The following CCDC85C variants were observed in gnomAD, a reference collection of about 807,000 sequenced individuals.
The protein encoded by CCDC85C is coiled-coil domain-containing protein 85C.
CCDC85C carries 18 observed loss-of-function variants against 38.3 expected under a neutral mutation model. That is an observed-to-expected ratio of 0.47 (90% CI 0.33 to 0.70). CCDC85C has a LOEUF of 0.70. Ranked by LOEUF, CCDC85C falls within the 30% of genes least tolerant of loss-of-function variation. The probability of loss-of-function intolerance (pLI) is 0.03; values close to 1 mark genes in which losing one functional copy is unlikely to be tolerated. For missense variants in CCDC85C, 566 were observed against 621.2 expected, an observed-to-expected ratio of 0.91 and a Z score of 0.94; for synonymous variants, 264 against 293.8, an observed-to-expected ratio of 0.90 and a Z score of 1.04.
In CCDC85C at chr14:99,604,088, GCCTGGCGCGTCCTCTCGCC is replaced by G. The variant is rs1309189465; in HGVS notation, c.-148_-130del. On this transcript the variant is annotated 5_prime_UTR_variant, in exon 1 of 6. Transcript: ENST00000380243. ...GGGCGCGTGCGGCCCGCCCCGCGCC[GCCTGGCGCGTCCTCTCGCC>G]GCGCCCGCCGGGGCCGCCCGGGAGC... is the stretch of plus-strand genomic sequence containing the variant. The G allele has an allele frequency of 1.1e-6, 1 of 922,090 alleles. No homozygotes were observed. The highest frequency in any genetic ancestry group is 1.3e-6 in the Non-Finnish European group (1 of 776,628). The allele number at this position is 922,090 out of a possible 1,614,324, so 57.1% of individuals were successfully genotyped here.
In CCDC85C at chr14:99,511,588, G is replaced by A. The variant is rs1489558232; in HGVS notation, c.*3658C>T. 6.6e-6 allele frequency: 1 copy of A among 152,558 alleles called. No individual in the cohort carries two copies. The highest frequency in any genetic ancestry group is 1.5e-5 in the Non-Finnish European group (1 of 68,020). 9.5% of individuals were successfully genotyped at this position (152,558 alleles called of 1,614,324 possible). ...TCTGTGGCTTATAAAATGTGCAGAGGCCCTCCTTCCAGACCCTGGGGACGC... is the reference window on the plus strand; with the variant it reads ...TCTGTGGCTTATAAAATGTGCAGAGACCCTCCTTCCAGACCCTGGGGACGC... On this transcript the variant is annotated 3_prime_UTR_variant, in exon 6 of 6. Coordinates refer to ENST00000380243, the MANE Select transcript of CCDC85C (RefSeq NM_001144995.2).
At chr14:99,564,520 C>T (rs1180812430) in intron 1 of CCDC85C, among the ~76,000 whole-genome samples, 2 of 152,248 alleles carry the variant, frequency 1.3e-5, no homozygotes, top group African/African-American at 2.4e-5. Flanking sequence ...GTTTATCTGT[C>T]CTGGGCGCCA....
In CCDC85C at chr14:99,508,993, C is replaced by T. The variant is rs1453140239; in HGVS notation, c.*6253G>A. ...TTATCTAAGGCCAGGCACATATGAC[C>T]TTCCTACCCGGTAGGCTGGCGGGGT... On this transcript the variant is annotated 3_prime_UTR_variant, in exon 6 of 6. Transcript: ENST00000380243. 1 of 152,252 alleles carries T rather than the reference C, an allele frequency of 6.6e-6. No homozygotes were observed. Among genetic ancestry groups the T allele is most frequent in the East Asian group, 1.9e-4 (1 of 5,184 alleles). 9.4% of individuals were successfully genotyped at this position (152,252 alleles called of 1,614,324 possible). A position where few individuals can be genotyped will look rare whatever the true frequency, so the allele number is the denominator to read the frequency against.
At position 99,509,662 on chromosome 14, in the gene CCDC85C, TG is replaced by T. The variant is rs1897071016; in HGVS notation, c.*5583del. ...AATAGAACCTGAATTGCTGCTTCGA[TG>T]GGTACACCGGGAATGTCAGAGACTT... On this transcript the variant is annotated 3_prime_UTR_variant, in exon 6 of 6. Coordinates refer to ENST00000380243, the MANE Select transcript of CCDC85C (RefSeq NM_001144995.2). 1.2e-5 allele frequency: 2 copies of T among 168,428 alleles called. No individual in the cohort carries two copies. The highest frequency in any genetic ancestry group is 2.6e-5 in the Non-Finnish European group (2 of 77,668). 10.4% of individuals were successfully genotyped at this position (168,428 alleles called of 1,614,324 possible). A position where few individuals can be genotyped will look rare whatever the true frequency, so the allele number is the denominator to read the frequency against.
chr14:99,549,022 T>A (rs940093573), intron 1 of CCDC85C, among the ~76,000 whole-genome samples: 9 of 152,062 alleles, frequency 5.9e-5, no homozygotes, highest in Non-Finnish European at 1.0e-4. Context: ...GGGCCTCAGC[T>A]CTCCCTGGGA....
Position 99,503,829 on chromosome 14 carries a change from C to T in CCDC85C, c.*11417G>A, listed in dbSNP as rs1896903845. 1 of 593,314 alleles carries T rather than the reference C, an allele frequency of 1.7e-6. No individual in the cohort carries two copies. The highest frequency in any genetic ancestry group is 3.0e-6 in the Non-Finnish European group (1 of 334,424). The allele number at this position is 593,314 out of a possible 1,614,324, so 36.8% of individuals were successfully genotyped here. On this transcript the variant is annotated 3_prime_UTR_variant, in exon 6 of 6. Transcript: ENST00000380243. ...CCTGATCATAGATTCTAAAATTGTG[C>T]TCTTACGAAGCTATCAGTACAGAAA...
intron 2 of CCDC85C, among the ~76,000 whole-genome samples, chr14:99,525,195 G>A (rs1897360568): frequency 6.6e-6 from 1 of 152,178 alleles, no homozygotes; most frequent in African/African-American, 2.4e-5. Context: ...CCAACTCAGG[G>A]CCCAGCGAGG....
intron 1 of CCDC85C, among the ~76,000 whole-genome samples, chr14:99,598,781 A>G (rs1215367031): frequency 6.6e-6 from 1 of 152,140 alleles, no homozygotes; most frequent in Non-Finnish European, 1.5e-5. Flanking sequence ...TGATTTCCCC[A>G]TCTAAGATAT....
rs1237430873 is a variant in CCDC85C at position 99,515,226 on chromosome 14, A to G, written c.*20T>C. 1 of 1,540,804 alleles carries G rather than the reference A, an allele frequency of 6.5e-7. No homozygotes were observed. The highest frequency in any genetic ancestry group is 2.0e-5 in the Admixed American group (1 of 50,842). ...TGGGGACCCCCAGCAGGGCCAGTCC[A>G]CGTCCACAGAAGAGTGGCCCTACAA... On this transcript the variant is annotated 3_prime_UTR_variant, in exon 6 of 6. Transcript: ENST00000380243.
chr14:99,600,618 G>A (rs772050197), intron 1 of CCDC85C, among the ~76,000 whole-genome samples: 32 of 152,212 alleles, frequency 2.1e-4, no homozygotes, highest in Non-Finnish European at 4.0e-4. Context: ...ACCCAGGACA[G>A]GTACTTCCAA....
At chr14:99,602,613 A>G (rs1206237444) in intron 1 of CCDC85C, among the ~76,000 whole-genome samples, 1 of 152,154 alleles carries the variant, frequency 6.6e-6, no homozygotes, top group Non-Finnish European at 1.5e-5. Context: ...CAAACAAGAA[A>G]GGCTCTGAGC....
intron 5 of CCDC85C, among the ~76,000 whole-genome samples, chr14:99,515,903 G>A (rs932275018): frequency 2.6e-5 from 4 of 152,034 alleles, no homozygotes; most frequent in African/African-American, 9.7e-5. Context: ...CAGTCCCGGG[G>A]GGGTGGGGGG....
Position 99,588,670 on chromosome 14 carries a change from G to T in CCDC85C, c.793+14497C>A, listed in dbSNP as rs2055052397. Among the ~76,000 whole-genome samples, 1 of 152,044 alleles carries T rather than the reference G, an allele frequency of 6.6e-6. No individual in the cohort carries two copies. The highest frequency in any genetic ancestry group is 2.4e-5 in the African/African-American group (1 of 41,372). On this transcript the variant is annotated intron_variant, in intron 1 of 5. Coordinates refer to ENST00000380243, the MANE Select transcript of CCDC85C (RefSeq NM_001144995.2). This position sits in a 1 kb window ranked among gnomAD's most constrained non-coding sequence, Gnocchi z 5.0. ...GCTGCCCTTTCTGGTCTGGGGTCAG[G>T]TCATTCCCCCACCCGTATAAGCACT...
intron 1 of CCDC85C, among the ~76,000 whole-genome samples, chr14:99,577,741 A>AGAGT (rs1566780128): frequency 7.9e-6 from 1 of 127,182 alleles, no homozygotes; most frequent in African/African-American, 3.2e-5. Context: ...ATCCCCCATC[A>AGAGT]GTGTGTGTGT....
intron 1 of CCDC85C, among the ~76,000 whole-genome samples, chr14:99,587,710 C>A (rs2055041923): frequency 6.6e-6 from 1 of 152,196 alleles, no homozygotes; most frequent in African/African-American, 2.4e-5. Flanking sequence ...GCAGGCCGGC[C>A]AAGCAGGGAC....
Position 99,572,921 on chromosome 14 carries a change from C to G in CCDC85C, c.793+30246G>C, listed in dbSNP as rs375567071. ...GGTGGGAGGCACGGACCTGAGGCAG[C>G]GCCTTCTCTTAGCTCTGAGCCCTGC... On this transcript the variant is annotated intron_variant, in intron 1 of 5. Transcript: ENST00000380243. This position sits in a 1 kb window ranked among gnomAD's most constrained non-coding sequence, Gnocchi z 4.4. 2.3e-6 allele frequency: 1 copy of G among 430,568 alleles called. No individual in the cohort carries two copies. Among genetic ancestry groups the G allele is most frequent in the Admixed American group, 2.4e-5 (1 of 41,200 alleles). The allele number at this position is 430,568 out of a possible 1,614,324, so 26.7% of individuals were successfully genotyped here. A position where few individuals can be genotyped will look rare whatever the true frequency, so the allele number is the denominator to read the frequency against.
At chr14:99,563,008 A>G (rs989142546) in intron 1 of CCDC85C, among the ~76,000 whole-genome samples, 2 of 152,334 alleles carry the variant, frequency 1.3e-5, no homozygotes, top group East Asian at 1.9e-4. Context: ...AACAGCAGCC[A>G]CTTACTCTCG....
In CCDC85C at chr14:99,536,028, T is replaced by C. The variant is rs1457580970; in HGVS notation, c.854A>G (p.Lys285Arg). The C allele has an allele frequency of 1.2e-5, 18 of 1,551,266 alleles. No homozygotes were observed. Among genetic ancestry groups the C allele is most frequent in the Non-Finnish European group, 1.2e-5 (14 of 1,146,848 alleles). ...ESKVRLLEGD[K>R]LLAQQAGSGE... ...AAGCCGGCCTACCTGTGCGAGGAGCTTGTCACCCTCCAGCAGCCTCACTTT... is the reference window on the plus strand; with the variant it reads ...AAGCCGGCCTACCTGTGCGAGGAGCCTGTCACCCTCCAGCAGCCTCACTTT... The change falls in exon 2 of 6, where the codon AAG becomes AGG. Residue 285 changes from lysine to arginine, a missense_variant. By Grantham distance (26) the Lys-to-Arg change is conservative (BLOSUM62 2). This residue lies in a region of CCDC85C where 286 missense variants were observed against 276.4 expected (regional missense o/e 1.03). Transcript: ENST00000380243.
At chr14:99,541,729 G>T (rs983997715) in intron 1 of CCDC85C, among the ~76,000 whole-genome samples, 1 of 152,202 alleles carries the variant, frequency 6.6e-6, no homozygotes, top group Non-Finnish European at 1.5e-5. Context: ...ACAGCCGTGG[G>T]CTCAGAAACA....
Sources: gnomAD v4.1 joint callset for allele counts (sites outside exome capture counted in the v4.1 genomes callset) on GRCh38, gnomAD v4.1.1 for gene constraint, gnomAD v4.1.1 regional missense constraint, Gnocchi (gnomAD v3.1) non-coding constraint, MANE v1.5 for transcripts, NCBI Gene and HGNC (gene_info 2026-07-23, HGNC 2026-07-21) for gene names.